Variants in AFG3L2 observed in about 807,000 individuals in gnomAD.
The protein encoded by AFG3L2 is mitochondrial inner membrane m-AAA protease component AFG3L2.
In AFG3L2, 54 loss-of-function variants were observed where a neutral mutation model predicts 94.5. That is an observed-to-expected ratio of 0.57 (90% CI 0.46 to 0.72). The LOEUF is 0.72. Among genes scored for constraint, AFG3L2 ranks in the 30% least tolerant of loss-of-function variants. The pLI, the probability that AFG3L2 is intolerant of heterozygous loss-of-function variation, is 0.00. For missense variants in AFG3L2, 754 were observed against 994.9 expected (o/e 0.76, Z 3.26); for synonymous variants, 377 against 365.5 (o/e 1.03, Z -0.36).
intron 15 of AFG3L2, among the ~76,000 whole-genome samples, chr18:12,339,017 GGCCA>G (rs2143118205): frequency 6.6e-6 from 1 of 152,108 alleles, no homozygotes; most frequent in East Asian, 1.9e-4. Flanking sequence ...CACTTTGGCA[GGCCA>G]AGGCGGGCGG....
chr18:12,348,532 TGATA>T lies in AFG3L2; in HGVS notation c.1553-153_1553-150del. 3 of 706,072 alleles carry T rather than the reference TGATA, an allele frequency of 4.2e-6. No homozygotes were observed. The South Asian group carries it at 4.9e-5, about 12-fold the overall frequency. 43.7% of individuals were successfully genotyped at this position (706,072 alleles called of 1,614,324 possible). A position where few individuals can be genotyped will look rare whatever the true frequency, so the allele number is the denominator to read the frequency against. ...GTAAATATAATTCTGTTTTGACTCA[TGATA>T]ACCCTAAGCTATTCTAGCGTTTAAT... On this transcript the variant is annotated intron_variant, in intron 12 of 16. Coordinates refer to ENST00000269143, the MANE Select transcript of AFG3L2 (RefSeq NM_006796.3).
intron 1 of AFG3L2, among the ~76,000 whole-genome samples, chr18:12,375,997 A>G (rs1306881340): frequency 6.6e-6 from 1 of 152,170 alleles, no homozygotes. Flanking sequence ...AATAAAAATA[A>G]AAATAAAAAT....
At chr18:12,376,606 T>A (rs1235795054) in intron 1 of AFG3L2, among the ~76,000 whole-genome samples, 1 of 152,228 alleles carries the variant, frequency 6.6e-6, no homozygotes, top group Non-Finnish European at 1.5e-5. Flanking sequence ...GACTACATCG[T>A]GCTCGTGCTG....
In AFG3L2 at chr18:12,340,369, A is replaced by T. The variant is rs760963770; in HGVS notation, c.1812T>A (p.Gly604=). The T allele has an allele frequency of 6.2e-7, 1 of 1,614,138 alleles. No individual in the cohort carries two copies. Among genetic ancestry groups the T allele is most frequent in the Admixed American group, 1.7e-5 (1 of 60,020 alleles). ...GTTCTTTTGGTAAATACTGAGCATA[A>T]CCTAGTCCTTTGCCACGTGGGATGA... The part of the protein sequence containing the change: ...VSIIPRGKGL[G]YAQYLPKEQY... The change falls in exon 15 of 17, where the codon GGT becomes GGA. Residue 604 remains glycine (G), a synonymous_variant. Transcript: ENST00000269143.
chr18:12,337,287 T>C (rs1907777008), intron 16 of AFG3L2, 54 bp downstream of exon 16: 15 of 1,530,038 alleles, frequency 9.8e-6, no homozygotes, highest in Middle Eastern at 2.1e-4. Context: ...TATCTATCAC[T>C]TCAATCTTTT....
intron 12 of AFG3L2, 78 bp downstream of exon 12, chr18:12,351,007 A>C: frequency 2.5e-6 from 4 of 1,582,816 alleles, no homozygotes; most frequent in Non-Finnish European, 2.6e-6. Flanking sequence ...TGAAAAGGTA[A>C]GAAAGTAAAC....
intron 1 of AFG3L2, among the ~76,000 whole-genome samples, 181 bp downstream of exon 1, chr18:12,376,788 C>G (rs533224995): frequency 2.0e-5 from 3 of 152,384 alleles, no homozygotes; most frequent in Non-Finnish European, 2.9e-5. Context: ...ACAGGCAGGG[C>G]TGAGCGCGAA....
chr18:12,352,294 A>C (rs966450059), intron 10 of AFG3L2, among the ~76,000 whole-genome samples: 1 of 152,140 alleles, frequency 6.6e-6, no homozygotes, highest in Non-Finnish European at 1.5e-5. Flanking sequence ...GGGACGGAGG[A>C]GGCTTTCTAC....
intron 3 of AFG3L2, among the ~76,000 whole-genome samples, chr18:12,369,242 G>A (rs1034558173): frequency 5.9e-5 from 9 of 151,968 alleles, no homozygotes; most frequent in Non-Finnish European, 8.8e-5. Context: ...ATCATTACTC[G>A]GCCCCCACAC....
chr18:12,370,759 T>C, intron 3 of AFG3L2, 90 bp downstream of exon 3: 1 of 913,804 alleles, frequency 1.1e-6, no homozygotes, highest in East Asian at 2.7e-5. Flanking sequence ...GTGCCCGGCC[T>C]GATAACTCTT....
intron 13 of AFG3L2, among the ~76,000 whole-genome samples, chr18:12,346,337 C>A (rs1038655349): frequency 6.6e-5 from 10 of 152,192 alleles, no homozygotes; most frequent in Admixed American, 6.5e-4. Flanking sequence ...CCTGGCACAC[C>A]CTGGGACCAC....
Position 12,358,926 on chromosome 18 carries a change from A to G in AFG3L2, c.770T>C (p.Met257Thr). The G allele has an allele frequency of 6.2e-7, 1 of 1,613,638 alleles. No homozygotes were observed. The highest frequency in any genetic ancestry group is 8.5e-7 in the Non-Finnish European group (1 of 1,179,748). ...AESDGSFLLS[M>T]LPTVLIIAFL... The stretch of plus-strand genomic sequence containing the variant: ...GGCGATGATGAGCACCGTAGGCAGC[A>G]TGCTCAGCAGAAAAGAGCTGGGGAC... The change falls in exon 8 of 17, where the codon ATG (methionine) becomes ACG (threonine). Residue 257 changes from methionine (M) to threonine (T), a missense_variant. Around this residue, in one of 4 missense-constraint regions of AFG3L2, gnomAD observed 130 missense variants for 175.1 expected, o/e 0.74. Transcript: ENST00000269143.
intron 8 of AFG3L2, among the ~76,000 whole-genome samples, chr18:12,358,191 T>C (rs1908551937): frequency 6.6e-6 from 1 of 152,224 alleles, no homozygotes; most frequent in South Asian, 2.1e-4. Context: ...AGCCCACCAC[T>C]AGCACAGTGG....
intron 13 of AFG3L2, among the ~76,000 whole-genome samples, chr18:12,346,807 G>A (rs1329843757): frequency 6.6e-6 from 1 of 150,942 alleles, no homozygotes; most frequent in African/African-American, 2.4e-5. Flanking sequence ...GGGAGGCTGA[G>A]GGAGGAGAAT....
chr18:12,368,547 A>T (rs1044992719), intron 3 of AFG3L2, among the ~76,000 whole-genome samples: 2 of 152,132 alleles, frequency 1.3e-5, no homozygotes, highest in African/African-American at 4.8e-5. Context: ...GGAAAACTGT[A>T]AATCAGTCCT....
intron 15 of AFG3L2, among the ~76,000 whole-genome samples, chr18:12,338,955 T>A (rs554253020): frequency 1.7e-4 from 26 of 151,992 alleles, no homozygotes; most frequent in African/African-American, 5.8e-4. Flanking sequence ...AATACTGTAC[T>A]AAAAAAAGGT....
chr18:12,358,752 T>C lies in AFG3L2; in HGVS notation c.944A>G (p.Glu315Gly), dbSNP rs1908568326. Residue 315 changes from glutamate (E) to glycine (G), a missense_variant, in exon 8 of 17, where the codon GAG becomes GGG. Glu to Gly is a moderately conservative substitution (Grantham distance 98, BLOSUM62 -2). Coordinates refer to ENST00000269143, the MANE Select transcript of AFG3L2 (RefSeq NM_006796.3). Reference sequence around the variant, plus strand: ...AAATTCCATGATCTCTAGCTTGGCCTCCTCACAGCCAGCCACATCTTTGAA... The same window carrying C: ...AAATTCCATGATCTCTAGCTTGGCCCCCTCACAGCCAGCCACATCTTTGAA... ...VKFKDVAGCEEAKLEIMEFVN... is the reference protein window; with the variant it reads ...VKFKDVAGCEGAKLEIMEFVN... 1 of 1,614,154 alleles carries C rather than the reference T, an allele frequency of 6.2e-7. No individual in the cohort carries two copies. The highest frequency in any genetic ancestry group is 1.3e-5 in the African/African-American group (1 of 74,948).
intron 6 of AFG3L2, 195 bp from the exon 7 acceptor site, chr18:12,360,246 G>A (rs2143197057): frequency 1.7e-6 from 1 of 576,616 alleles, no homozygotes; most frequent in Non-Finnish European, 3.0e-6. Flanking sequence ...GGCAATTCTT[G>A]GCAAATAAGC....
chr18:12,353,804 TA>T (rs779777479), intron 9 of AFG3L2, among the ~76,000 whole-genome samples: 2 of 152,324 alleles, frequency 1.3e-5, no homozygotes, highest in African/African-American at 2.4e-5. Context: ...AGTAGAGCTG[TA>T]AACTTTACAT....
Sources: allele counts gnomAD v4.1 joint callset (sites outside exome capture counted in the v4.1 genomes callset), GRCh38; gene constraint gnomAD v4.1.1; regional missense constraint gnomAD v4.1.1; transcripts MANE v1.5; gene names NCBI Gene and HGNC (gene_info 2026-07-23, HGNC 2026-07-21).